The following CACNA1E variants were observed in gnomAD, a reference collection of about 807,000 sequenced individuals.
CACNA1E encodes calcium voltage-gated channel subunit alpha1 E, also known as voltage-dependent R-type calcium channel subunit alpha-1E.
Under a neutral mutation model 259.2 loss-of-function variants are expected in CACNA1E, and 40 were observed. The observed-to-expected ratio is 0.15, with a 90% CI of 0.12 to 0.20. The LOEUF (loss-of-function observed/expected upper bound fraction) is 0.20, where lower values mean the gene tolerates loss of function less well. Ranked by LOEUF, CACNA1E falls within the 10% of genes least tolerant of loss-of-function variation. The pLI is 1.00. For missense variants in CACNA1E, 1,874 were observed against 3,040.1 expected, an observed-to-expected ratio of 0.62 and a Z score of 9.02; for synonymous variants, 1,104 against 1,138.5, an observed-to-expected ratio of 0.97 and a Z score of 0.61.
chr1:181,716,980 G>A, intron 10 of CACNA1E, 113 bp from the exon 11 acceptor site: 1 of 794,324 alleles, frequency 1.3e-6, no homozygotes, highest in East Asian at 2.6e-5. Flanking sequence ...CACCTGCAAT[G>A]TGGCAGTCAC....
At chr1:181,421,173 A>G (rs1658712145) in intron 2 of CACNA1E, among the ~76,000 whole-genome samples, 1 of 152,234 alleles carries the variant, frequency 6.6e-6, no homozygotes, top group Non-Finnish European at 1.5e-5. Flanking sequence ...GTGTCCCTAC[A>G]GTAACTGGCA....
chr1:181,682,696 T>C (rs560942785), intron 7 of CACNA1E, among the ~76,000 whole-genome samples: 10 of 152,312 alleles, frequency 6.6e-5, no homozygotes, highest in African/African-American at 2.4e-4. Context: ...CTTACAATTG[T>C]GGCAGAAGTT....
At position 181,734,874 on chromosome 1, in the gene CACNA1E, GCATTA is replaced by G. The variant is rs1572741700; in HGVS notation, c.3262+1125_3262+1129del. Among the ~76,000 whole-genome samples, 5 of 145,754 alleles carry G rather than the reference GCATTA, an allele frequency of 3.4e-5. No homozygotes were observed. The East Asian group carries it at 1.0e-3, about 30-fold the overall frequency. On this transcript the variant is annotated intron_variant, in intron 21 of 47. Transcript: ENST00000367573. ...TGCGCTGACCCCACACCTCATCCCT[GCATTA>G]TGAATTCCACACCCTATCCTTGCCC...
chr1:181,797,838 C>G (rs1234784311), intron 47 of CACNA1E, among the ~76,000 whole-genome samples: 5 of 152,160 alleles, frequency 3.3e-5, no homozygotes, highest in Non-Finnish European at 1.5e-5. Context: ...TAAGGGTTTC[C>G]CAGCCAGAGC....
At chr1:181,790,970 C>G (rs1203440452) in intron 44 of CACNA1E, among the ~76,000 whole-genome samples, 1 of 152,230 alleles carries the variant, frequency 6.6e-6, no homozygotes, top group Non-Finnish European at 1.5e-5. Flanking sequence ...ATGCCCCATG[C>G]CATTCCTTAG....
chr1:181,510,329 G>C (rs1236677285), intron 1 of CACNA1E, 148 bp from the exon 2 acceptor site: 1 of 641,676 alleles, frequency 1.6e-6, no homozygotes, highest in East Asian at 2.8e-5. Context: ...ACCATCCACT[G>C]TCTTGCCTGC....
In CACNA1E at chr1:181,732,417, G is replaced by A; in HGVS notation, c.2331G>A (p.Val777=). 1 of 1,544,562 alleles carries A rather than the reference G, an allele frequency of 6.5e-7. No homozygotes were observed. The highest frequency in any genetic ancestry group is 8.7e-7 in the Non-Finnish European group (1 of 1,143,720). The part of the protein sequence containing the change: ...RERRRRHHMS[V]WEQRTSQLRK... Reference sequence around the variant, plus strand: ...GGAGGCGCCGGCACCACATGTCCGTGTGGGAGCAGCGTACCAGCCAGCTGA... The same window carrying A: ...GGAGGCGCCGGCACCACATGTCCGTATGGGAGCAGCGTACCAGCCAGCTGA... Residue 777 remains valine (V), a synonymous_variant, in exon 20 of 48, where the codon GTG becomes GTA. Coordinates refer to ENST00000367573, the MANE Select transcript of CACNA1E (RefSeq NM_001205293.3). The surrounding 1 kb of genome is among the most constrained non-coding windows in gnomAD (Gnocchi z 5.5).
intron 5 of CACNA1E, 94 bp from the exon 6 acceptor site, chr1:181,580,501 G>A: frequency 2.5e-6 from 3 of 1,208,028 alleles, no homozygotes; most frequent in Non-Finnish European, 3.7e-6. Context: ...TTCCGTGGGG[G>A]AATGGAATTG....
chr1:181,719,834 C>T lies in CACNA1E; in HGVS notation c.1722C>T (p.Leu574=). 6.3e-7 allele frequency: 1 copy of T among 1,588,842 alleles called. No homozygotes were observed. ...TSFGISVLRA[L]RLLRIFKITK... ...TTGGAATCAGTGTCTTGCGAGCCCT[C>T]CGGCTTCTAAGAATATTTAAAATAA... The change falls in exon 13 of 48, where the codon CTC becomes CTT. Residue 574 remains leucine (L), a synonymous_variant. Coordinates refer to ENST00000367573, the MANE Select transcript of CACNA1E (RefSeq NM_001205293.3).
At chr1:181,565,554 G>A (rs1349258323) in intron 3 of CACNA1E, among the ~76,000 whole-genome samples, 1 of 152,226 alleles carries the variant, frequency 6.6e-6, no homozygotes, top group South Asian at 2.1e-4. Flanking sequence ...ATCCAGGGAA[G>A]GAACTTCCTG....
intron 2 of CACNA1E, among the ~76,000 whole-genome samples, chr1:181,477,079 G>C (rs1438489917): frequency 6.6e-6 from 1 of 152,052 alleles, no homozygotes; most frequent in Non-Finnish European, 1.5e-5. Context: ...TAATCTTCGT[G>C]ATCCTAGATA....
chr1:181,678,720 A>G (rs1194651989), intron 7 of CACNA1E, among the ~76,000 whole-genome samples: 2 of 152,036 alleles, frequency 1.3e-5, no homozygotes, highest in Admixed American at 6.5e-5. Flanking sequence ...TTCTTCATTT[A>G]ATTAGCTGTG....
intron 3 of CACNA1E, among the ~76,000 whole-genome samples, chr1:181,517,267 T>C (rs1666656771): frequency 6.6e-6 from 1 of 152,178 alleles, no homozygotes; most frequent in South Asian, 2.1e-4. Flanking sequence ...ACAAATGCCC[T>C]GTGGGGGTGG....
At chr1:181,328,591 G>A (rs368707183) in intron 1 of CACNA1E, among the ~76,000 whole-genome samples, 13 of 152,266 alleles carry the variant, frequency 8.5e-5, no homozygotes, top group African/African-American at 3.1e-4. Context: ...ATTGGGATTT[G>A]TGTTAGCCTG....
intron 6 of CACNA1E, among the ~76,000 whole-genome samples, chr1:181,631,821 T>G (rs1196335172): frequency 6.6e-6 from 1 of 152,160 alleles, no homozygotes; most frequent in Non-Finnish European, 1.5e-5. Context: ...CTTGACCACT[T>G]TTTTGCATTG....
intron 6 of CACNA1E, among the ~76,000 whole-genome samples, chr1:181,604,625 G>A (rs1654058923): frequency 6.6e-6 from 1 of 152,240 alleles, no homozygotes; most frequent in African/African-American, 2.4e-5. Context: ...CTGCTGCCAA[G>A]TCACTTGAGA....
chr1:181,440,829 A>T (rs141297984), intron 2 of CACNA1E, among the ~76,000 whole-genome samples: 24 of 151,892 alleles, frequency 1.6e-4, no homozygotes, highest in Admixed American at 1.3e-3. Context: ...CAAAAAATTT[A>T]AAAAAATTAG....
At chr1:181,371,819 C>T (rs1432998024) in intron 1 of CACNA1E, among the ~76,000 whole-genome samples, 2 of 152,170 alleles carry the variant, frequency 1.3e-5, no homozygotes, top group African/African-American at 2.4e-5. Flanking sequence ...GCCATTTATC[C>T]CAGCACCACT....
chr1:181,720,121 A>T, intron 13 of CACNA1E, 85 bp from the exon 14 acceptor site: 1 of 1,465,976 alleles, frequency 6.8e-7, no homozygotes, highest in South Asian at 1.2e-5. Flanking sequence ...CTTATTTCAT[A>T]GACTACCAGG....
Sources: allele counts gnomAD v4.1 joint callset (sites outside exome capture counted in the v4.1 genomes callset), GRCh38; gene constraint gnomAD v4.1.1; non-coding constraint Gnocchi (gnomAD v3.1); transcripts MANE v1.5; gene names NCBI Gene and HGNC (gene_info 2026-07-23, HGNC 2026-07-21).